The following PHEX variants were observed in gnomAD, a reference collection of about 807,000 sequenced individuals.
PHEX encodes the protein phosphate-regulating neutral endopeptidase PHEX.
PHEX carries 16 observed loss-of-function variants against 68.0 expected under a neutral mutation model. The observed-to-expected ratio is 0.24, with a 90% CI of 0.16 to 0.36. PHEX has a LOEUF of 0.36. Among genes scored for constraint, PHEX ranks in the 10% least tolerant of loss-of-function variants. The probability of loss-of-function intolerance (pLI) is 1.00; values close to 1 mark genes in which losing one functional copy is unlikely to be tolerated. For synonymous variants in PHEX, 208 were observed against 205.1 expected (o/e 1.01, Z -0.12); for missense variants, 480 against 575.5 (o/e 0.83, Z 1.70).
chrX:22,241,345 C>A (rs770079813), intron 20 of PHEX, among the ~76,000 whole-genome samples: 1 of 111,267 alleles, frequency 9.0e-6, no homozygotes, highest in African/African-American at 3.3e-5. Context: ...AAATTGACAC[C>A]CTAACATCAC....
At chrX:22,241,338 T>C (rs1167247044) in intron 20 of PHEX, among the ~76,000 whole-genome samples, 2 of 111,777 alleles carry the variant, frequency 1.8e-5, no homozygotes, top group African/African-American at 3.3e-5. Flanking sequence ...AGATCTAAAA[T>C]TGACACCCTA....
chrX:22,139,292 G>T (rs1932358267), intron 12 of PHEX, among the ~76,000 whole-genome samples: 1 of 111,614 alleles, frequency 9.0e-6, no homozygotes, highest in Admixed American at 9.5e-5. Context: ...GGAGGCTTTG[G>T]CTGGACCAGA....
At chrX:22,236,648 G>C (rs1387019120) in intron 20 of PHEX, among the ~76,000 whole-genome samples, 2 of 112,676 alleles carry the variant, frequency 1.8e-5, no homozygotes, top group Non-Finnish European at 3.8e-5. Context: ...ATTTATTCAT[G>C]ATCTGTAGCT....
intron 3 of PHEX, among the ~76,000 whole-genome samples, chrX:22,049,956 T>C (rs1927741956): frequency 8.9e-6 from 1 of 112,711 alleles, no homozygotes; most frequent in African/African-American, 3.2e-5. Flanking sequence ...TGGTATAAAG[T>C]AGAAGTCATC....
intron 11 of PHEX, among the ~76,000 whole-genome samples, chrX:22,123,924 C>T (rs1380485921): frequency 2.8e-5 from 3 of 108,216 alleles, no homozygotes; most frequent in Non-Finnish European, 3.8e-5. Context: ...CTCTGCCTCC[C>T]GGGTTCACGC....
intron 15 of PHEX, among the ~76,000 whole-genome samples, chrX:22,212,572 C>G (rs866294395): frequency 8.9e-6 from 1 of 112,095 alleles, no homozygotes; most frequent in Non-Finnish European, 1.9e-5. Flanking sequence ...TGCACACCCA[C>G]GAAGCCGGCC....
intron 16 of PHEX, among the ~76,000 whole-genome samples, chrX:22,216,785 G>A (rs1361771484): frequency 1.8e-5 from 2 of 111,213 alleles, no homozygotes; most frequent in African/African-American, 6.5e-5. Flanking sequence ...CTCCCAAAGT[G>A]CTGGGATTAC....
At chrX:22,180,223 T>TG (rs1248817278) in intron 14 of PHEX, among the ~76,000 whole-genome samples, 1 of 111,078 alleles carries the variant, frequency 9.0e-6, no homozygotes, top group Non-Finnish European at 1.9e-5. Context: ...CCATAGGGCT[T>TG]CTACCCTCTG....
chrX:22,104,215 C>T (rs1476909224), intron 9 of PHEX, among the ~76,000 whole-genome samples: 1 of 111,710 alleles, frequency 9.0e-6, no homozygotes, highest in Non-Finnish European at 1.9e-5. Context: ...ACTCCCACTG[C>T]CAGTCTAGGG....
intron 20 of PHEX, among the ~76,000 whole-genome samples, chrX:22,235,986 T>G (rs1294874266): frequency 9.0e-6 from 1 of 111,428 alleles, no homozygotes; most frequent in African/African-American, 3.3e-5. Context: ...ATGATCCAAC[T>G]CCACTCAATC....
intron 17 of PHEX, among the ~76,000 whole-genome samples, chrX:22,220,987 T>A (rs952217717): frequency 2.7e-5 from 3 of 112,222 alleles, no homozygotes; most frequent in African/African-American, 9.7e-5. Context: ...TCCCATTGTG[T>A]TTTGGAGATT....
At chrX:22,041,265 C>CTATATATATA (rs556410356) in intron 2 of PHEX, among the ~76,000 whole-genome samples, 13 of 72,808 alleles carry the variant, frequency 1.8e-4, no homozygotes, top group African/African-American at 3.2e-4. Flanking sequence ...CTCTCTCTCT[C>CTATATATATA]TATATATATA....
At chrX:22,182,328 A>T (rs1230957755) in intron 14 of PHEX, among the ~76,000 whole-genome samples, 1 of 111,431 alleles carries the variant, frequency 9.0e-6, no homozygotes. Context: ...AGTTTACATG[A>T]TCATATGCCC....
chrX:22,099,909 C>T (rs1341173845), intron 9 of PHEX, among the ~76,000 whole-genome samples: 1 of 111,857 alleles, frequency 8.9e-6, no homozygotes, highest in East Asian at 2.8e-4. Flanking sequence ...CCAGAAGTTA[C>T]GTTTTTTAAA....
intron 15 of PHEX, among the ~76,000 whole-genome samples, chrX:22,194,171 C>T (rs1433439292): frequency 1.8e-5 from 2 of 111,886 alleles, no homozygotes. Context: ...CATGAAAGCT[C>T]ATGGGCAGAG....
intron 20 of PHEX, among the ~76,000 whole-genome samples, chrX:22,234,865 T>A (rs755055274): frequency 5.9e-5 from 6 of 102,098 alleles, no homozygotes; most frequent in African/African-American, 2.2e-4. Context: ...ACAACAACAA[T>A]GAAACAACAA....
At chrX:22,234,959 C>G (rs1602424161) in intron 20 of PHEX, among the ~76,000 whole-genome samples, 1 of 112,056 alleles carries the variant, frequency 8.9e-6, no homozygotes, top group African/African-American at 3.2e-5. Context: ...GGGGTAGGCA[C>G]TGGAGGGAAT....
At chrX:22,133,347 A>C (rs1409746103) in intron 11 of PHEX, among the ~76,000 whole-genome samples, 176 bp from the exon 12 acceptor site, 1 of 112,031 alleles carries the variant, frequency 8.9e-6, no homozygotes, top group African/African-American at 3.2e-5. Context: ...AGTGGTGGAA[A>C]AAAGGGAATT....
chrX:22,234,150 C>G (rs1254194524), intron 20 of PHEX, among the ~76,000 whole-genome samples: 1 of 113,073 alleles, frequency 8.8e-6, no homozygotes, highest in Non-Finnish European at 1.9e-5. Flanking sequence ...GCTGCCTGTT[C>G]TTCCCTCCGG....
Sources: allele counts gnomAD v4.1 joint callset (sites outside exome capture counted in the v4.1 genomes callset), GRCh38; gene constraint gnomAD v4.1.1; transcripts MANE v1.5; gene names NCBI Gene and HGNC (gene_info 2026-07-23, HGNC 2026-07-21).